MAP3K14: variants seen among roughly 807,000 people sequenced by gnomAD.
MAP3K14 encodes the protein NF-kappa-beta-inducing kinase.
MAP3K14 carries 16 observed loss-of-function variants against 99.2 expected under a neutral mutation model. The observed-to-expected ratio is 0.16, with a 90% CI of 0.11 to 0.24. The LOEUF is 0.24. MAP3K14 is among the 10% of genes least tolerant of loss of function. MAP3K14 has a pLI of 1.00. For missense variants in MAP3K14, 784 were observed against 1,208.7 expected (o/e 0.65, Z 5.21); for synonymous variants, 462 against 492.4 (o/e 0.94, Z 0.82).
At position 45,265,149 on chromosome 17, in the gene MAP3K14, C is replaced by T. The variant is rs370678725; in HGVS notation, c.2679+14G>A. On this transcript the variant is annotated intron_variant, in intron 15 of 15. Transcript: ENST00000344686. ...CTGGGACTCTGCCCGTCAGAGTGTA[C>T]CTGCCCCCCTTACCTGGCTGCTGAT... 69 of 1,605,812 alleles carry T rather than the reference C, an allele frequency of 4.3e-5. No homozygotes were observed. Among genetic ancestry groups the T allele is most frequent in the Middle Eastern group, 1.6e-4 (1 of 6,066 alleles).
At chr17:45,265,288 C>A in intron 14 of MAP3K14, 25 bp from the exon 15 acceptor site, 1 of 1,523,016 alleles carries the variant, frequency 6.6e-7, no homozygotes, top group South Asian at 1.1e-5. Context: ...AGGTGATAGT[C>A]AGGAGAGCGG....
intron 1 of MAP3K14, among the ~76,000 whole-genome samples, chr17:45,309,790 A>G (rs1256505198): frequency 2.0e-5 from 3 of 152,078 alleles, no homozygotes; most frequent in Non-Finnish European, 4.4e-5. Flanking sequence ...ATTACTTCTA[A>G]TTGCTTGAGA....
chr17:45,313,074 T>C (rs1304155324), intron 1 of MAP3K14, among the ~76,000 whole-genome samples: 8 of 152,042 alleles, frequency 5.3e-5, no homozygotes, highest in Non-Finnish European at 8.8e-5. Context: ...GTAGCCTCAT[T>C]TGGAGTATGG....
rs2044103408 is a variant in MAP3K14 at position 45,267,655 on chromosome 17, G to C, written c.2077C>G (p.Leu693Val). The C allele has an allele frequency of 1.9e-6, 3 of 1,613,626 alleles. No individual in the cohort carries two copies. The East Asian group carries it at 6.7e-5, about 36-fold the overall frequency. The change falls in exon 12 of 16, where the codon CTT becomes GTT. Residue 693 changes from leucine to valine, a missense_variant. Coordinates refer to ENST00000344686, the MANE Select transcript of MAP3K14 (RefSeq NM_003954.5). The surrounding 1 kb of genome is among the most constrained non-coding windows in gnomAD (Gnocchi z 5.1). ...CGGGGCCCTGGGGCCCTTGGCGAAAGCTCTCTCGGCTGGGCATGGAGGGTC... is the reference window on the plus strand; with the variant it reads ...CGGGGCCCTGGGGCCCTTGGCGAAACCTCTCTCGGCTGGGCATGGAGGGTC... ...HQTLHAQPRE[L>V]SPRAPGPRPA...
At chr17:45,284,724 T>C in intron 6 of MAP3K14, 88 bp downstream of exon 6, 1 of 1,457,320 alleles carries the variant, frequency 6.9e-7, no homozygotes, top group Non-Finnish European at 9.1e-7. Flanking sequence ...ACGGCCACCC[T>C]GCGACTGTCC....
In MAP3K14 at chr17:45,267,043, G is replaced by A. The variant is rs368844144; in HGVS notation, c.2433+49C>T. ...AGCTACTTGCTCTGTGCCAGGGCCG[G>A]GAAAACCACACCCCTGGAGCCATGG... On this transcript the variant is annotated intron_variant, in intron 13 of 15. Coordinates refer to ENST00000344686, the MANE Select transcript of MAP3K14 (RefSeq NM_003954.5). The surrounding 1 kb of genome is among the most constrained non-coding windows in gnomAD (Gnocchi z 5.1). 34 of 1,388,986 alleles carry A rather than the reference G, an allele frequency of 2.4e-5. No individual in the cohort carries two copies. The African/African-American group carries it at 3.9e-4, about 16-fold the overall frequency. The allele number at this position is 1,388,986 out of a possible 1,614,324, so 86.0% of individuals were successfully genotyped here. A position where few individuals can be genotyped will look rare whatever the true frequency, so the allele number is the denominator to read the frequency against.
In MAP3K14 at chr17:45,286,458, C is replaced by A; in HGVS notation, c.1125G>T (p.Glu375Asp). ...SRSREPSPKT[E>D]DNEGVLLTEK... ...CAGTGAGCAGGACACCCTCGTTGTC[C>A]TCAGTTTTGGGGCTGGGCTCCCGGG... Residue 375 changes from glutamate (E) to aspartate (D), a missense_variant, in exon 5 of 16, where the codon GAG becomes GAT. Coordinates refer to ENST00000344686, the MANE Select transcript of MAP3K14 (RefSeq NM_003954.5). This position sits in a 1 kb window ranked among gnomAD's most constrained non-coding sequence, Gnocchi z 4.1. 1 of 1,600,076 alleles carries A rather than the reference C, an allele frequency of 6.2e-7. No homozygotes were observed. Among genetic ancestry groups the A allele is most frequent in the East Asian group, 2.2e-5 (1 of 44,482 alleles).
intron 6 of MAP3K14, among the ~76,000 whole-genome samples, chr17:45,283,697 G>T (rs2044241090): frequency 6.6e-6 from 1 of 152,170 alleles, no homozygotes; most frequent in African/African-American, 2.4e-5. Context: ...TTCAGATTTT[G>T]GGTTTTCAGA....
intron 1 of MAP3K14, among the ~76,000 whole-genome samples, chr17:45,304,754 AG>A (rs1194744085): frequency 1.3e-5 from 2 of 152,192 alleles, no homozygotes; most frequent in Non-Finnish European, 2.9e-5. Flanking sequence ...ACTAATCCTG[AG>A]GAATGGCCAT....
At chr17:45,305,058 A>C (rs1176555760) in intron 1 of MAP3K14, among the ~76,000 whole-genome samples, 1 of 152,184 alleles carries the variant, frequency 6.6e-6, no homozygotes, top group Non-Finnish European at 1.5e-5. Context: ...AGACCTTTGT[A>C]TGACTGGAAG....
At chr17:45,291,487 G>A (rs1337480623) in intron 1 of MAP3K14, among the ~76,000 whole-genome samples, 2 of 152,136 alleles carry the variant, frequency 1.3e-5, no homozygotes, top group Non-Finnish European at 2.9e-5. Flanking sequence ...GGCAACATCA[G>A]GAGTAGAATT....
intron 14 of MAP3K14, chr17:45,266,301 CA>C (rs1165484676): frequency 2.2e-6 from 1 of 448,370 alleles, no homozygotes; most frequent in Non-Finnish European, 4.0e-6. Flanking sequence ...GGGACTCCAT[CA>C]ACTGACAATG....
chr17:45,297,759 G>A (rs574116067), intron 1 of MAP3K14, among the ~76,000 whole-genome samples: 9 of 132,832 alleles, frequency 6.8e-5, no homozygotes, highest in Middle Eastern at 4.3e-3. Flanking sequence ...TTGCTCTGTC[G>A]CCCAGGCTAG....
chr17:45,286,804 T>C lies in MAP3K14; in HGVS notation c.779A>G (p.Tyr260Cys). 1.2e-6 allele frequency: 2 copies of C among 1,613,094 alleles called. No homozygotes were observed. The highest frequency in any genetic ancestry group is 2.2e-5 in the South Asian group (2 of 90,932). ...TGGGAAGGGATGAGGCAGTCTGCTA[T>C]AGGGGAAGGGGTGCGTGGGCAGGGG... ...PLPLPTHPFPYSRLPHPFPFH... is the reference protein window; with the variant it reads ...PLPLPTHPFPCSRLPHPFPFH... The change falls in exon 5 of 16, where the codon TAT becomes TGT. Residue 260 changes from tyrosine (Y) to cysteine (C), a missense_variant. By Grantham distance (194) the Tyr-to-Cys change is radical. This residue lies in a region of MAP3K14 where 138 missense variants were observed against 164.1 expected (regional missense o/e 0.84). Transcript: ENST00000344686. This position sits in a 1 kb window ranked among gnomAD's most constrained non-coding sequence, Gnocchi z 4.1.
chr17:45,289,217 G>A lies in MAP3K14; in HGVS notation c.326+19C>T. On this transcript the variant is annotated intron_variant, in intron 3 of 15. Coordinates refer to ENST00000344686, the MANE Select transcript of MAP3K14 (RefSeq NM_003954.5). ...GTCCAGTCCCCACCTTCCCACTCAG[G>A]CTTGTCTCCCCTGCTTACCTGTACT... The A allele has an allele frequency of 6.2e-7, 1 of 1,612,342 alleles. No homozygotes were observed. The highest frequency in any genetic ancestry group is 8.5e-7 in the Non-Finnish European group (1 of 1,178,478).
Position 45,286,932 on chromosome 17 carries a change from T to C in MAP3K14, c.651A>G (p.Leu217=), listed in dbSNP as rs766144092. ...GTTCTGATCGAGGCAGAGCCGGCCG[T>C]AGGCCCTCGCCAAGCTGCTTAAAAC... The part of the protein sequence containing the change: ...QLCFKQLGEG[L]RPALPRSELH... Residue 217 remains leucine (L), a synonymous_variant, in exon 5 of 16, where the codon CTA becomes CTG. Coordinates refer to ENST00000344686, the MANE Select transcript of MAP3K14 (RefSeq NM_003954.5). The surrounding 1 kb of genome is among the most constrained non-coding windows in gnomAD (Gnocchi z 4.1). 8.3e-5 allele frequency: 134 copies of C among 1,613,930 alleles called. No homozygotes were observed. Among genetic ancestry groups the C allele is most frequent in the Admixed American group, 1.3e-4 (8 of 60,010 alleles).
At position 45,308,423 on chromosome 17, in the gene MAP3K14, C is replaced by T. The variant is rs552605379; in HGVS notation, c.-21+8537G>A. Among the ~76,000 whole-genome samples the T allele has an allele frequency of 5.3e-5, 8 of 152,320 alleles. No individual in the cohort carries two copies. In the East Asian group the frequency reaches 1.5e-3, roughly 29 times the overall value. Reference sequence around the variant, plus strand: ...GGGATGTGCCAGTGTGGTCACTGCCCTCCCAATTCTCACTTGGAGGGGTGG... The same window carrying T: ...GGGATGTGCCAGTGTGGTCACTGCCTTCCCAATTCTCACTTGGAGGGGTGG... On this transcript the variant is annotated intron_variant, in intron 1 of 15. Transcript: ENST00000344686.
Position 45,299,521 on chromosome 17 carries a change from A to G in MAP3K14, c.-20-8756T>C, listed in dbSNP as rs577203691. Among the ~76,000 whole-genome samples, 39 of 152,230 alleles carry G rather than the reference A, an allele frequency of 2.6e-4. No homozygotes were observed. In the East Asian group the frequency reaches 6.9e-3, roughly 27 times the overall value. ...GCTTCACTCTCTCCCTCAGGCGGAG[A>G]AGGAGAATGGCCATGTGATCCCTGG... is the stretch of plus-strand genomic sequence containing the variant. On this transcript the variant is annotated intron_variant, in intron 1 of 15. Transcript: ENST00000344686.
intron 15 of MAP3K14, 117 bp from the exon 16 acceptor site, chr17:45,264,917 C>T: frequency 8.9e-7 from 1 of 1,119,666 alleles, no homozygotes; most frequent in South Asian, 1.5e-5. Flanking sequence ...GCCTGTCTGT[C>T]ATTCCACGGG....
Sources: allele counts gnomAD v4.1 joint callset (sites outside exome capture counted in the v4.1 genomes callset), GRCh38; gene constraint gnomAD v4.1.1; regional missense constraint gnomAD v4.1.1; non-coding constraint Gnocchi (gnomAD v3.1); transcripts MANE v1.5; gene names NCBI Gene and HGNC (gene_info 2026-07-23, HGNC 2026-07-21).